Variants in MAPKAP1 observed in about 807,000 individuals in gnomAD.
The protein encoded by MAPKAP1 is MAPK associated protein 1.
A neutral mutation model predicts 65.7 loss-of-function variants in MAPKAP1; 20 were observed. That is an observed-to-expected ratio of 0.30 (90% confidence interval 0.21 to 0.44). The LOEUF is 0.44. Among genes scored for constraint, MAPKAP1 ranks in the 20% least tolerant of loss-of-function variants. The pLI, the probability that MAPKAP1 is intolerant of heterozygous loss-of-function variation, is 1.00. For missense variants in MAPKAP1, 423 were observed against 648.0 expected (o/e 0.65, Z 3.77); for synonymous variants, 222 against 244.3 (o/e 0.91, Z 0.85).
intron 1 of MAPKAP1, among the ~76,000 whole-genome samples, chr9:125,681,398 C>T (rs2131823472): frequency 6.6e-6 from 1 of 152,304 alleles, no homozygotes; most frequent in South Asian, 2.1e-4. Context: ...TCTGTCATTC[C>T]AGCTGTCCTG....
At chr9:125,696,284 G>A (rs1588085982) in intron 1 of MAPKAP1, 1 of 152,096 alleles carries the variant, frequency 6.6e-6, no homozygotes, top group East Asian at 1.9e-4. Flanking sequence ...GGTAGTGCAT[G>A]CCTGTAGTCC....
chr9:125,651,602 T>C (rs1833895369), intron 4 of MAPKAP1, among the ~76,000 whole-genome samples: 1 of 151,992 alleles, frequency 6.6e-6, no homozygotes, highest in African/African-American at 2.4e-5. Flanking sequence ...AGAGACTCTG[T>C]CTCAAAAAAA....
In MAPKAP1 at chr9:125,538,106, T is replaced by G. The variant is rs1830124945; in HGVS notation, c.958+4953A>C. Among the ~76,000 whole-genome samples, 4 of 152,216 alleles carry G rather than the reference T, an allele frequency of 2.6e-5. No individual in the cohort carries two copies. In the South Asian group the frequency reaches 8.3e-4, roughly 31 times the overall value. On this transcript the variant is annotated intron_variant, in intron 7 of 11. Coordinates refer to ENST00000265960, the MANE Select transcript of MAPKAP1 (RefSeq NM_001006617.3). Reference sequence around the variant, plus strand: ...TTATCCTCTTTGGGCCTCAGTGTATTTCACAGTGGTTAAAAATTTGGATTT... The same window carrying G: ...TTATCCTCTTTGGGCCTCAGTGTATGTCACAGTGGTTAAAAATTTGGATTT...
Position 125,439,796 on chromosome 9 carries a change from G to A in MAPKAP1, c.1444-784C>T, listed in dbSNP as rs760412703. Reference sequence around the variant, plus strand: ...CCCAGCGCTACAGCGCTGAGACTTGGTCCTGGCCCTGGGGAGCTTGCTGCC... The same window carrying A: ...CCCAGCGCTACAGCGCTGAGACTTGATCCTGGCCCTGGGGAGCTTGCTGCC... On this transcript the variant is annotated intron_variant, in intron 11 of 11. Transcript: ENST00000265960. The surrounding 1 kb of genome is among the most constrained non-coding windows in gnomAD (Gnocchi z 4.0). Among the ~76,000 whole-genome samples the A allele has an allele frequency of 6.6e-6, 1 of 152,386 alleles. No homozygotes were observed. The highest frequency in any genetic ancestry group is 2.1e-4 in the South Asian group (1 of 4,830).
At chr9:125,549,985 T>C (rs1283800515) in intron 6 of MAPKAP1, among the ~76,000 whole-genome samples, 1 of 152,242 alleles carries the variant, frequency 6.6e-6, no homozygotes, top group Non-Finnish European at 1.5e-5. Flanking sequence ...TGGGTATTTA[T>C]AACAAACTCA....
rs534458013 is a variant in MAPKAP1, at chr9:125,439,226, A to G, written c.1444-214T>C. Among the ~76,000 whole-genome samples the G allele has an allele frequency of 6.6e-6, 1 of 152,346 alleles. No individual in the cohort carries two copies. The highest frequency in any genetic ancestry group is 1.9e-4 in the East Asian group (1 of 5,178). On this transcript the variant is annotated intron_variant, in intron 11 of 11. Coordinates refer to ENST00000265960, the MANE Select transcript of MAPKAP1 (RefSeq NM_001006617.3). This position sits in a 1 kb window ranked among gnomAD's most constrained non-coding sequence, Gnocchi z 4.0. ...GGGAAAACAGAGGCTTGGAGAAGCC[A>G]AGTGGCCAGTCCAGGCTTCCCAGTC...
chr9:125,616,630 A>T (rs1366473554), intron 4 of MAPKAP1, among the ~76,000 whole-genome samples: 1 of 152,072 alleles, frequency 6.6e-6, no homozygotes, highest in Non-Finnish European at 1.5e-5. Flanking sequence ...GAGAAATGCA[A>T]ATGAAAATCA....
intron 10 of MAPKAP1, among the ~76,000 whole-genome samples, chr9:125,457,287 C>G (rs1853218092): frequency 6.6e-6 from 1 of 152,166 alleles, no homozygotes. Flanking sequence ...CTGTGCCCGG[C>G]CCATTTAGTG....
chr9:125,529,066 C>T (rs1170656793), intron 7 of MAPKAP1, among the ~76,000 whole-genome samples: 3 of 148,260 alleles, frequency 2.0e-5, no homozygotes, highest in South Asian at 2.1e-4. Context: ...CCCAGCTACT[C>T]GGGAAGTTGA....
chr9:125,477,195 T>C (rs542692055), intron 9 of MAPKAP1, among the ~76,000 whole-genome samples: 46 of 152,338 alleles, frequency 3.0e-4, no homozygotes, highest in Non-Finnish European at 6.2e-4. Context: ...TTTATTAGGT[T>C]ATAGATGCGA....
chr9:125,526,055 G>A (rs572912867), intron 7 of MAPKAP1, among the ~76,000 whole-genome samples: 1 of 152,222 alleles, frequency 6.6e-6, no homozygotes, highest in Non-Finnish European at 1.5e-5. Flanking sequence ...GCTGGCTGCC[G>A]AGATTCAGGC....
At chr9:125,552,863 GCCTGGGCAGCATAGTGAGACACTGT>G (rs1201155532) in intron 6 of MAPKAP1, among the ~76,000 whole-genome samples, 5 of 152,280 alleles carry the variant, frequency 3.3e-5, no homozygotes, top group South Asian at 2.1e-4. Flanking sequence ...TTCCAGTCCA[GCCTGGGCAGCATAGTGAGACACTGT>G]CTCTAAAAAT....
chr9:125,571,131 T>C (rs1465582244), intron 5 of MAPKAP1, among the ~76,000 whole-genome samples: 1 of 152,224 alleles, frequency 6.6e-6, no homozygotes, highest in Non-Finnish European at 1.5e-5. Flanking sequence ...CTTTGGACTA[T>C]ATGTGCATAA....
chr9:125,591,234 C>T (rs989061043), intron 4 of MAPKAP1, among the ~76,000 whole-genome samples: 7 of 152,210 alleles, frequency 4.6e-5, no homozygotes, highest in Non-Finnish European at 7.3e-5. Context: ...CCTGGACTTA[C>T]TCTAAATGTA....
chr9:125,459,389 C>T (rs1343871623), intron 10 of MAPKAP1, among the ~76,000 whole-genome samples: 5 of 151,514 alleles, frequency 3.3e-5, no homozygotes, highest in African/African-American at 4.8e-5. Flanking sequence ...CAGGCAGAGA[C>T]GCTCCTCACT....
chr9:125,590,595 A>G (rs1480275317), intron 4 of MAPKAP1, among the ~76,000 whole-genome samples: 1 of 151,758 alleles, frequency 6.6e-6, no homozygotes, highest in East Asian at 1.9e-4. Context: ...AGTTGCAATG[A>G]GCTGAGATGG....
chr9:125,547,376 C>A (rs1048892433), intron 6 of MAPKAP1, among the ~76,000 whole-genome samples: 2 of 152,170 alleles, frequency 1.3e-5, no homozygotes, highest in Non-Finnish European at 1.5e-5. Context: ...GGGTTAAATA[C>A]CCTTTGACCG....
chr9:125,462,279 G>A (rs988995369), intron 10 of MAPKAP1, among the ~76,000 whole-genome samples: 1 of 152,176 alleles, frequency 6.6e-6, no homozygotes, highest in Admixed American at 6.5e-5. Flanking sequence ...TCCTTTGTTG[G>A]GGGTGGGCTG....
rs74574862 is a variant in MAPKAP1 at position 125,691,568 on chromosome 9, T to C, written c.-70+15403A>G. 5.5e-4 allele frequency among the ~76,000 whole-genome samples: 84 copies of C among 152,070 alleles called. No homozygotes were observed. The East Asian group carries it at 0.015, about 27-fold the overall frequency. On this transcript the variant is annotated intron_variant, in intron 1 of 11. Coordinates refer to ENST00000265960, the MANE Select transcript of MAPKAP1 (RefSeq NM_001006617.3). ...AACATGTAAGTGACAGGTAAATCCA[T>C]AGATGTGAATTTTGCCCAGGGAGAA...
Sources: gnomAD v4.1 joint callset for allele counts (sites outside exome capture counted in the v4.1 genomes callset) on GRCh38, gnomAD v4.1.1 for gene constraint, Gnocchi (gnomAD v3.1) non-coding constraint, MANE v1.5 for transcripts, NCBI Gene and HGNC (gene_info 2026-07-23, HGNC 2026-07-21) for gene names.